Variants in PXYLP1 observed in about 807,000 individuals in gnomAD.
The protein encoded by PXYLP1 is acid phosphatase-like 2.
A neutral mutation model predicts 37.9 loss-of-function variants in PXYLP1; 17 were observed. The observed-to-expected ratio is 0.45, with a 90% confidence interval of 0.31 to 0.67. The LOEUF is 0.67. PXYLP1 is among the 30% of genes least tolerant of loss of function. The pLI is 0.07. For synonymous variants in PXYLP1, 221 were observed against 232.2 expected, an observed-to-expected ratio of 0.95 and a Z score of 0.44; for missense variants, 511 against 612.0, an observed-to-expected ratio of 0.84 and a Z score of 1.74.
In PXYLP1 at chr3:141,293,049, A is replaced by G; in HGVS notation, c.1287A>G (p.Thr429=). 1 of 1,614,196 alleles carries G rather than the reference A, an allele frequency of 6.2e-7. No homozygotes were observed. The highest frequency in any genetic ancestry group is 2.2e-5 in the East Asian group (1 of 44,884). ...VRILYNGVDV[T]FHTSFCQDHH... is the part of the protein sequence containing the mutation. ...TTCTTTACAATGGCGTCGATGTCAC[A>G]TTCCACACCTCTTTCTGCCAAGACC... Residue 429 remains threonine, a synonymous_variant, in exon 6 of 6, where the codon ACA becomes ACG. Coordinates refer to ENST00000286353, the MANE Select transcript of PXYLP1 (RefSeq NM_001037172.3).
At chr3:141,265,642 G>T (rs911497650) in intron 2 of PXYLP1, among the ~76,000 whole-genome samples, 2 of 152,186 alleles carry the variant, frequency 1.3e-5, no homozygotes, top group African/African-American at 4.8e-5. Flanking sequence ...GGGTGGTGTC[G>T]TGGGGCTAGG....
In PXYLP1 at chr3:141,292,374, C is replaced by T. The variant is rs372023655; in HGVS notation, c.612C>T (p.Thr204=). 8 of 1,614,144 alleles carry T rather than the reference C, an allele frequency of 5.0e-6. No homozygotes were observed. Among genetic ancestry groups the T allele is most frequent in the Non-Finnish European group, 6.8e-6 (8 of 1,180,044 alleles). ...CTGCAGACCAGCTCTATTTAGAGAC[C>T]ACTGGGAAAAGCCGGACCCTACAAA... ...DWSADQLYLE[T]TGKSRTLQSG... is the part of the protein sequence containing the mutation. The change falls in exon 6 of 6, where the codon ACC becomes ACT. Residue 204 remains threonine, a synonymous_variant. Transcript: ENST00000286353. The surrounding 1 kb of genome is among the most constrained non-coding windows in gnomAD (Gnocchi z 4.3).
chr3:141,238,578 T>C (rs569420776), intron 1 of PXYLP1, among the ~76,000 whole-genome samples: 1 of 152,322 alleles, frequency 6.6e-6, no homozygotes, highest in African/African-American at 2.4e-5. Context: ...TTATTTTTAT[T>C]TACTTTAAAC....
At chr3:141,276,767 C>G (rs1941806240) in intron 2 of PXYLP1, among the ~76,000 whole-genome samples, 1 of 152,156 alleles carries the variant, frequency 6.6e-6, no homozygotes. Flanking sequence ...CCACCCTCCC[C>G]ATGATGTTTG....
At chr3:141,267,869 G>C (rs930933839) in intron 2 of PXYLP1, among the ~76,000 whole-genome samples, 71 of 101,360 alleles carry the variant, frequency 7.0e-4, no homozygotes, top group Non-Finnish European at 8.7e-4. Context: ...GTCCCTCTCT[G>C]TCTCTCTCCC....
At position 141,287,317 on chromosome 3, in the gene PXYLP1, A is replaced by G; in HGVS notation, c.369A>G (p.Lys123=). The change falls in exon 5 of 6, where the codon AAA becomes AAG. Residue 123 remains lysine (K), a synonymous_variant. Coordinates refer to ENST00000286353, the MANE Select transcript of PXYLP1 (RefSeq NM_001037172.3). ...ACTCTCTCTATCATCTCTCTAGGAA[A>G]CCGTATCACCCAAAACTGGAAGCTT... ...EIDCTLVANR[K]PYHPKLEAFI... The G allele has an allele frequency of 6.2e-7, 1 of 1,614,004 alleles. No individual in the cohort carries two copies. The highest frequency in any genetic ancestry group is 2.2e-5 in the East Asian group (1 of 44,878).
chr3:141,280,933 C>T (rs1190715900), intron 4 of PXYLP1, among the ~76,000 whole-genome samples: 1 of 152,184 alleles, frequency 6.6e-6, no homozygotes, highest in Non-Finnish European at 1.5e-5. Flanking sequence ...GATGCCACAC[C>T]CTGTGACTCT....
At chr3:141,287,018 C>T (rs535136313) in intron 4 of PXYLP1, among the ~76,000 whole-genome samples, 3 of 152,136 alleles carry the variant, frequency 2.0e-5, no homozygotes, top group Non-Finnish European at 4.4e-5. Context: ...TCCCGGAGAG[C>T]GAGCCCGGAA....
chr3:141,282,770 T>G, intron 4 of PXYLP1, among the ~76,000 whole-genome samples: 1 of 152,154 alleles, frequency 6.6e-6, no homozygotes, highest in East Asian at 1.9e-4. Flanking sequence ...TAGGACTTGG[T>G]GGCAGGTTGG....
intron 1 of PXYLP1, among the ~76,000 whole-genome samples, chr3:141,257,706 A>G (rs946469583): frequency 1.3e-5 from 2 of 152,210 alleles, no homozygotes; most frequent in East Asian, 1.9e-4. Context: ...GTTCGAGACC[A>G]GCCTGGCCAA....
intron 5 of PXYLP1, among the ~76,000 whole-genome samples, chr3:141,289,077 A>C (rs1359863700): frequency 2.0e-5 from 3 of 152,228 alleles, no homozygotes; most frequent in Non-Finnish European, 4.4e-5. Context: ...AAATGCTTGT[A>C]CCTAAATGTG....
intron 4 of PXYLP1, among the ~76,000 whole-genome samples, chr3:141,286,356 T>C (rs574181228): frequency 6.6e-6 from 1 of 152,154 alleles, no homozygotes; most frequent in East Asian, 1.9e-4. Flanking sequence ...AAATGAGAGG[T>C]TGTATGTCCA....
At chr3:141,277,182 T>C (rs960540120) in intron 2 of PXYLP1, among the ~76,000 whole-genome samples, 1 of 152,226 alleles carries the variant, frequency 6.6e-6, no homozygotes, top group Non-Finnish European at 1.5e-5. Context: ...TAAATATTTA[T>C]GTAGAAGAAT....
In PXYLP1 at chr3:141,264,691, G is replaced by A. The variant is rs1430277735; in HGVS notation, c.79+4437G>A. On this transcript the variant is annotated intron_variant, in intron 2 of 5. Coordinates refer to ENST00000286353, the MANE Select transcript of PXYLP1 (RefSeq NM_001037172.3). ...GCAGCACAGTGGGGTCAGAAAGAAC[G>A]TGGGCTCTGGAGTCAGACTGCCTGG... 3.3e-5 allele frequency among the ~76,000 whole-genome samples: 5 copies of A among 152,190 alleles called. No individual in the cohort carries two copies. In the South Asian group the frequency reaches 8.3e-4, roughly 25 times the overall value.
intron 2 of PXYLP1, chr3:141,274,437 C>T: frequency 2.7e-6 from 4 of 1,480,732 alleles, no homozygotes; most frequent in Non-Finnish European, 3.6e-6. Flanking sequence ...CCCTCTGCTC[C>T]TCTCCTCTTC....
At chr3:141,285,393 C>T (rs750078301) in intron 4 of PXYLP1, among the ~76,000 whole-genome samples, 4 of 151,826 alleles carry the variant, frequency 2.6e-5, no homozygotes, top group Admixed American at 6.6e-5. Flanking sequence ...CCTCCCACCT[C>T]GGCCTCCCAA....
chr3:141,240,307 T>G (rs1354280658), intron 1 of PXYLP1, among the ~76,000 whole-genome samples: 1 of 152,214 alleles, frequency 6.6e-6, no homozygotes, highest in Non-Finnish European at 1.5e-5. Flanking sequence ...GTATGTTTAA[T>G]GGTTCAAATA....
At chr3:141,248,264 C>T (rs1393515308) in intron 1 of PXYLP1, among the ~76,000 whole-genome samples, 1 of 151,800 alleles carries the variant, frequency 6.6e-6, no homozygotes, top group Non-Finnish European at 1.5e-5. Flanking sequence ...AACTCCTGAC[C>T]TCAAATGATC....
In PXYLP1 at chr3:141,292,554, A is replaced by G. The variant is rs1295309364; in HGVS notation, c.792A>G (p.Leu264=). The G allele has an allele frequency of 1.7e-5, 27 of 1,614,146 alleles. No homozygotes were observed. Among genetic ancestry groups the G allele is most frequent in the Non-Finnish European group, 1.9e-5 (23 of 1,180,018 alleles). Residue 264 remains leucine (L), a synonymous_variant, in exon 6 of 6, where the codon CTA becomes CTG. Coordinates refer to ENST00000286353, the MANE Select transcript of PXYLP1 (RefSeq NM_001037172.3). The surrounding 1 kb of genome is among the most constrained non-coding windows in gnomAD (Gnocchi z 4.3). ...AGGAGCAGCGTCGTCAGTACCTCCT[A>G]CGTTTGAAAAACAGCCAGCTGGAGA... ...LEKEQRRQYL[L]RLKNSQLEKT...
Sources: allele counts gnomAD v4.1 joint callset (sites outside exome capture counted in the v4.1 genomes callset), GRCh38; gene constraint gnomAD v4.1.1; non-coding constraint Gnocchi (gnomAD v3.1); transcripts MANE v1.5; gene names NCBI Gene and HGNC (gene_info 2026-07-23, HGNC 2026-07-21).